ARHGAP35: variants seen among roughly 807,000 people sequenced by gnomAD.
The protein encoded by ARHGAP35 is Rho GTPase activating protein 35, also known as rho GTPase-activating protein 35.
Under a neutral mutation model 111.1 loss-of-function variants are expected in ARHGAP35, and 15 were observed. The ratio of observed to expected loss-of-function variants is 0.13; its 90% CI spans 0.09 to 0.21. The LOEUF (loss-of-function observed/expected upper bound fraction) is 0.21, where lower values mean the gene tolerates loss of function less well. ARHGAP35 is among the 10% of genes least tolerant of loss of function. ARHGAP35 has a pLI of 1.00. For missense variants in ARHGAP35, 1,262 were observed against 1,873.0 expected, an observed-to-expected ratio of 0.67 and a Z score of 6.02; for synonymous variants, 643 against 710.3, an observed-to-expected ratio of 0.91 and a Z score of 1.51.
At chr19:46,898,537 C>T (rs1264675625) in intron 1 of ARHGAP35, among the ~76,000 whole-genome samples, 1 of 151,908 alleles carries the variant, frequency 6.6e-6, no homozygotes, top group Non-Finnish European at 1.5e-5. Flanking sequence ...TTTCATTTTC[C>T]ATCTTAGTTA....
intron 2 of ARHGAP35, among the ~76,000 whole-genome samples, chr19:46,932,014 G>T (rs2056275801): frequency 6.6e-6 from 1 of 152,200 alleles, no homozygotes; most frequent in Admixed American, 6.5e-5. Context: ...GGGCACGGTG[G>T]CTCACACCTG....
At chr19:46,890,030 C>A (rs2056016457) in intron 1 of ARHGAP35, among the ~76,000 whole-genome samples, 1 of 152,118 alleles carries the variant, frequency 6.6e-6, no homozygotes, top group Non-Finnish European at 1.5e-5. Flanking sequence ...TGTATATTTT[C>A]TGCAGAGAGA....
At chr19:46,979,942 G>A (rs551746022) in intron 3 of ARHGAP35, among the ~76,000 whole-genome samples, 17 of 152,218 alleles carry the variant, frequency 1.1e-4, no homozygotes, top group African/African-American at 3.9e-4. Flanking sequence ...GGCACCTCCC[G>A]AGCAGGAAGG....
At chr19:46,914,041 C>T (rs1474861694) in intron 1 of ARHGAP35, among the ~76,000 whole-genome samples, 1 of 152,142 alleles carries the variant, frequency 6.6e-6, no homozygotes, top group Non-Finnish European at 1.5e-5. Flanking sequence ...TGTGACCAAG[C>T]ACTTAAAGTT....
intron 1 of ARHGAP35, among the ~76,000 whole-genome samples, chr19:46,898,106 G>C (rs908492486): frequency 4.6e-5 from 7 of 152,128 alleles, no homozygotes; most frequent in African/African-American, 1.7e-4. Context: ...GCCGGGCATG[G>C]TGGCGCATGC....
At chr19:46,893,625 GC>G (rs919849929) in intron 1 of ARHGAP35, among the ~76,000 whole-genome samples, 1 of 151,556 alleles carries the variant, frequency 6.6e-6, no homozygotes, top group African/African-American at 2.4e-5. Flanking sequence ...CCTTGGTTTT[GC>G]CCCCCTTGGT....
intron 3 of ARHGAP35, among the ~76,000 whole-genome samples, chr19:46,969,345 A>G (rs188361447): frequency 2.4e-4 from 37 of 152,360 alleles, no homozygotes; most frequent in African/African-American, 8.4e-4. Context: ...ATAGGTGGAT[A>G]GATGTTTTAC....
intron 3 of ARHGAP35, among the ~76,000 whole-genome samples, chr19:46,967,031 G>A (rs983849186): frequency 5.9e-5 from 9 of 152,152 alleles, no homozygotes; most frequent in Admixed American, 2.0e-4. Context: ...GTGAGAGGCC[G>A]TGCTGACCAC....
rs1305710931 is a variant in ARHGAP35, at chr19:46,922,353, T to G, written c.3678T>G (p.Thr1226=). The G allele has an allele frequency of 1.3e-6, 2 of 1,589,580 alleles. No homozygotes were observed. Among genetic ancestry groups the G allele is most frequent in the Non-Finnish European group, 1.7e-6 (2 of 1,168,196 alleles). The change falls in exon 2 of 7, where the codon ACT becomes ACG. Residue 1226 remains threonine (T), a synonymous_variant. Coordinates refer to ENST00000672722, the MANE Select transcript of ARHGAP35 (RefSeq NM_004491.5). This position sits in a 1 kb window ranked among gnomAD's most constrained non-coding sequence, Gnocchi z 4.0. Reference sequence around the variant, plus strand: ...TTCTTCGCAGCCTAAGGAGGAACACTAAGGTAAGACACCAGTCTAGGATTA... The same window carrying G: ...TTCTTCGCAGCCTAAGGAGGAACACGAAGGTAAGACACCAGTCTAGGATTA... ...RNILRSLRRN[T]KKPKPKPRPS... is the part of the protein sequence containing the mutation.
At chr19:46,969,944 C>T (rs1292875409) in intron 3 of ARHGAP35, among the ~76,000 whole-genome samples, 2 of 152,222 alleles carry the variant, frequency 1.3e-5, no homozygotes, top group East Asian at 1.9e-4. Context: ...ACTGCCACCA[C>T]GCTGCCTTTG....
At chr19:46,882,138 C>CTT (rs111690310) in intron 1 of ARHGAP35, among the ~76,000 whole-genome samples, 4 of 144,030 alleles carry the variant, frequency 2.8e-5, no homozygotes, top group African/African-American at 5.1e-5. Flanking sequence ...CTTTCTTTCC[C>CTT]TTTTTTTTTT....
At chr19:46,873,425 A>T (rs1343852600) in intron 1 of ARHGAP35, among the ~76,000 whole-genome samples, 4 of 151,904 alleles carry the variant, frequency 2.6e-5, no homozygotes, top group Non-Finnish European at 5.9e-5. Context: ...TGAGGTCAGG[A>T]GTTCGAAACT....
In ARHGAP35 at chr19:46,894,813, G is replaced by A. The variant is rs192704118; in HGVS notation, c.-188-23675G>A. ...CTCCTATGTCATGTCTTACTCTGCC[G>A]TTTTGTAATGGTCCTTGAGATTGAG... is the stretch of plus-strand genomic sequence containing the variant. On this transcript the variant is annotated intron_variant, in intron 1 of 6. Coordinates refer to ENST00000672722, the MANE Select transcript of ARHGAP35 (RefSeq NM_004491.5). 2.3e-4 allele frequency among the ~76,000 whole-genome samples: 35 copies of A among 152,224 alleles called. No individual in the cohort carries two copies. In the East Asian group the frequency reaches 6.2e-3, roughly 27 times the overall value.
At chr19:46,911,104 C>T (rs1474911842) in intron 1 of ARHGAP35, among the ~76,000 whole-genome samples, 1 of 152,186 alleles carries the variant, frequency 6.6e-6, no homozygotes, top group Admixed American at 6.5e-5. Context: ...TTCTTGGAAA[C>T]CCTTTTCCAG....
chr19:46,938,789 CT>C (rs1467989305), intron 3 of ARHGAP35, among the ~76,000 whole-genome samples: 1 of 152,026 alleles, frequency 6.6e-6, no homozygotes, highest in African/African-American at 2.4e-5. Context: ...TCCTGAGTAG[CT>C]GGGATTACAG....
chr19:46,974,891 A>C (rs1040356635), intron 3 of ARHGAP35, among the ~76,000 whole-genome samples: 12 of 152,096 alleles, frequency 7.9e-5, no homozygotes, highest in Non-Finnish European at 1.8e-4. Context: ...GTTTGTTCTG[A>C]GACGGAGTCT....
Position 46,988,696 on chromosome 19 carries a change from C to G in ARHGAP35, c.3904+630C>G, listed in dbSNP as rs1415634773. The G allele has an allele frequency of 6.5e-6, 1 of 154,352 alleles. No homozygotes were observed. The highest frequency in any genetic ancestry group is 1.4e-5 in the Non-Finnish European group (1 of 69,526). 9.6% of individuals were successfully genotyped at this position (154,352 alleles called of 1,614,324 possible). On this transcript the variant is annotated intron_variant, in intron 4 of 6. Coordinates refer to ENST00000672722, the MANE Select transcript of ARHGAP35 (RefSeq NM_004491.5). The surrounding 1 kb of genome is among the most constrained non-coding windows in gnomAD (Gnocchi z 5.4). ...GAAGCAAAAGCACCAGAGCAGGGCA[C>G]ATTCCCATCTATCAGCAGCCAGGGC...
At position 46,876,005 on chromosome 19, in the gene ARHGAP35, T is replaced by C. The variant is rs553867550; in HGVS notation, c.-189+14796T>C. On this transcript the variant is annotated intron_variant, in intron 1 of 6. Transcript: ENST00000672722. ...CTTTTTCTCATCATGACACATGGCC[T>C]AGGTTTGAGTCCCAGTCCCACCTCT... Among the ~76,000 whole-genome samples the C allele has an allele frequency of 5.9e-5, 9 of 152,254 alleles. No individual in the cohort carries two copies. The South Asian group carries it at 1.9e-3, about 32-fold the overall frequency.
chr19:46,921,633 A>G lies in ARHGAP35; in HGVS notation c.2958A>G (p.Glu986=). Residue 986 remains glutamate (E), a synonymous_variant, in exon 2 of 7, where the codon GAA becomes GAG. Coordinates refer to ENST00000672722, the MANE Select transcript of ARHGAP35 (RefSeq NM_004491.5). This position sits in a 1 kb window ranked among gnomAD's most constrained non-coding sequence, Gnocchi z 4.3. Reference sequence around the variant, plus strand: ...GCAACTCAAACCTGCAGGATTCAGAAGAAGATATCGAGCCATCTTACAGCC... The same window carrying G: ...GCAACTCAAACCTGCAGGATTCAGAGGAAGATATCGAGCCATCTTACAGCC... The part of the protein sequence containing the change: ...PLCNSNLQDS[E]EDIEPSYSLF... 3.7e-6 allele frequency: 6 copies of G among 1,614,002 alleles called. No individual in the cohort carries two copies. The highest frequency in any genetic ancestry group is 5.1e-6 in the Non-Finnish European group (6 of 1,179,890).
Sources: allele counts gnomAD v4.1 joint callset (sites outside exome capture counted in the v4.1 genomes callset), GRCh38; gene constraint gnomAD v4.1.1; non-coding constraint Gnocchi (gnomAD v3.1); transcripts MANE v1.5; gene names NCBI Gene and HGNC (gene_info 2026-07-23, HGNC 2026-07-21).